The following COL24A1 variants were observed in gnomAD, a reference collection of about 807,000 sequenced individuals.
COL24A1 encodes collagen alpha-1(XXIV) chain.
In COL24A1, 224 loss-of-function variants were observed where a neutral mutation model predicts 253.9. The observed-to-expected ratio is 0.88, with a 90% CI of 0.79 to 0.99. The LOEUF (loss-of-function observed/expected upper bound fraction) is 0.99, where lower values mean the gene tolerates loss of function less well. COL24A1 is among the 50% of genes least tolerant of loss of function. The pLI is 0.00. For missense variants in COL24A1, 2,131 were observed against 2,068.5 expected, an observed-to-expected ratio of 1.03 and a Z score of -0.59; for synonymous variants, 685 against 673.7, an observed-to-expected ratio of 1.02 and a Z score of -0.26.
intron 19 of COL24A1, 72 bp downstream of exon 19, chr1:86,017,079 A>C: frequency 2.9e-6 from 4 of 1,356,424 alleles, no homozygotes; most frequent in Non-Finnish European, 4.1e-6. Context: ...CTATGTTGAA[A>C]CATGTTTTAT....
In COL24A1 at chr1:85,874,677, A is replaced by C; in HGVS notation, c.3110T>G (p.Val1037Gly). 1.2e-6 allele frequency: 2 copies of C among 1,612,512 alleles called. No homozygotes were observed. The highest frequency in any genetic ancestry group is 8.5e-7 in the Non-Finnish European group (1 of 1,179,950). Residue 1037 changes from valine to glycine, a missense_variant, in exon 35 of 60, where the codon GTT becomes GGT. Coordinates refer to ENST00000370571, the MANE Select transcript of COL24A1 (RefSeq NM_152890.7). The part of the protein sequence containing the change: ...AKGDVGTAGS[V>G]GGTGEPGLRG... ...TAAACCTGGTTCCCCAGTTCCTCCAACACTGCCAGCAGTTCCAACATCTCC... is the reference window on the plus strand; with the variant it reads ...TAAACCTGGTTCCCCAGTTCCTCCACCACTGCCAGCAGTTCCAACATCTCC...
At chr1:86,022,125 C>G (rs1318306744) in intron 18 of COL24A1, 115 bp downstream of exon 18, 4 of 922,588 alleles carry the variant, frequency 4.3e-6, no homozygotes, top group Non-Finnish European at 7.1e-6. Flanking sequence ...TATTCTAAAA[C>G]TAAGGAGACA....
chr1:86,015,760 GTTTTAATTACTCAA>G, intron 19 of COL24A1, among the ~76,000 whole-genome samples: 1 of 151,788 alleles, frequency 6.6e-6, no homozygotes, highest in Non-Finnish European at 1.5e-5. Context: ...CTAATCTGAA[GTTTTAATTACTCAA>G]TTTCCTTCCT....
At chr1:86,103,386 A>G (rs1704644940) in intron 5 of COL24A1, among the ~76,000 whole-genome samples, 1 of 152,174 alleles carries the variant, frequency 6.6e-6, no homozygotes, top group African/African-American at 2.4e-5. Context: ...ATTCAAGATT[A>G]GTATTAATAT....
intron 53 of COL24A1, among the ~76,000 whole-genome samples, chr1:85,772,381 T>C (rs527567484): frequency 6.6e-6 from 1 of 151,912 alleles, no homozygotes; most frequent in Non-Finnish European, 1.5e-5. Flanking sequence ...AGTTCAACCA[T>C]TGTGGAAGTC....
intron 24 of COL24A1, among the ~76,000 whole-genome samples, chr1:85,947,132 A>C (rs906559123): frequency 6.6e-6 from 1 of 152,232 alleles, no homozygotes; most frequent in Non-Finnish European, 1.5e-5. Flanking sequence ...CAATGCCTTA[A>C]CATCCTTGTC....
chr1:85,764,805 G>C (rs1210228243), intron 53 of COL24A1, among the ~76,000 whole-genome samples: 1 of 151,940 alleles, frequency 6.6e-6, no homozygotes, highest in Non-Finnish European at 1.5e-5. Context: ...AAAGACGGGA[G>C]TCTTGCTATG....
intron 10 of COL24A1, among the ~76,000 whole-genome samples, chr1:86,052,663 G>T (rs75782849): frequency 0.069 from 10,436 of 151,976 alleles, 448 homozygotes; most frequent in Middle Eastern, 0.13. Context: ...GGTGGCAATG[G>T]TTGTACAACA....
At chr1:85,881,994 T>C (rs1208665517) in intron 32 of COL24A1, among the ~76,000 whole-genome samples, 1 of 152,218 alleles carries the variant, frequency 6.6e-6, no homozygotes, top group African/African-American at 2.4e-5. Flanking sequence ...CTCTAGGCAC[T>C]GCATCCCACG....
Position 86,148,938 on chromosome 1 carries a change from A to G in COL24A1, c.57-2755T>C, listed in dbSNP as rs1652332666. Among the ~76,000 whole-genome samples, 2 of 152,258 alleles carry G rather than the reference A, an allele frequency of 1.3e-5. 1 individual carries two copies. The highest frequency in any genetic ancestry group is 4.8e-5 in the African/African-American group (2 of 41,546). On this transcript the variant is annotated intron_variant, in intron 1 of 59. Coordinates refer to ENST00000370571, the MANE Select transcript of COL24A1 (RefSeq NM_152890.7). Reference sequence around the variant, plus strand: ...AGGAATCGCCACACTGACTTCCACAATGGTTGAACTAGTTTACAGTCCCAC... The same window carrying G: ...AGGAATCGCCACACTGACTTCCACAGTGGTTGAACTAGTTTACAGTCCCAC...
chr1:86,156,507 A>C lies in COL24A1; in HGVS notation c.-111T>G. ...AAAAGGGAAAAAACAATCACATGAA[A>C]ACCATGCTTCAAACCCGCAACAAGA... On this transcript the variant is annotated 5_prime_UTR_variant, in exon 1 of 60. Coordinates refer to ENST00000370571, the MANE Select transcript of COL24A1 (RefSeq NM_152890.7). 1 of 1,004,850 alleles carries C rather than the reference A, an allele frequency of 1.0e-6. No individual in the cohort carries two copies. Among genetic ancestry groups the C allele is most frequent in the Non-Finnish European group, 1.4e-6 (1 of 709,712 alleles). 62.2% of individuals were successfully genotyped at this position (1,004,850 alleles called of 1,614,324 possible). A position where few individuals can be genotyped will look rare whatever the true frequency, so the allele number is the denominator to read the frequency against.
At chr1:85,945,019 T>TGTTTG (rs1558752642) in intron 24 of COL24A1, among the ~76,000 whole-genome samples, 7 of 73,390 alleles carry the variant, frequency 9.5e-5, no homozygotes, top group East Asian at 6.0e-4. Flanking sequence ...TTTTTTTTTT[T>TGTTTG]TTTTTTTTTT....
intron 34 of COL24A1, 145 bp from the exon 35 acceptor site, chr1:85,874,847 C>T: frequency 1.4e-6 from 1 of 732,890 alleles, no homozygotes; most frequent in Non-Finnish European, 2.3e-6. Context: ...GGCTGCAAAA[C>T]AGCAGGTGAG....
At chr1:85,910,791 A>T (rs1220167558) in intron 25 of COL24A1, among the ~76,000 whole-genome samples, 1 of 151,906 alleles carries the variant, frequency 6.6e-6, no homozygotes, top group Non-Finnish European at 1.5e-5. Flanking sequence ...ATTAACAGAG[A>T]TGAAACAACC....
intron 24 of COL24A1, among the ~76,000 whole-genome samples, chr1:85,950,225 C>T (rs1323310032): frequency 6.6e-6 from 1 of 152,124 alleles, no homozygotes; most frequent in East Asian, 1.9e-4. Flanking sequence ...TTATCTGTAA[C>T]ACCTAACGGT....
chr1:86,018,383 A>T (rs188308117), intron 18 of COL24A1, among the ~76,000 whole-genome samples: 1 of 152,338 alleles, frequency 6.6e-6, no homozygotes, highest in Admixed American at 6.5e-5. Context: ...TTCCAAATAA[A>T]CAAAAACAAA....
chr1:85,955,152 C>T (rs1054527187), intron 24 of COL24A1, among the ~76,000 whole-genome samples: 20 of 152,162 alleles, frequency 1.3e-4, no homozygotes, highest in Non-Finnish European at 2.1e-4. Context: ...AACACAACAA[C>T]AGACACCAGC....
chr1:85,797,427 G>A (rs1036911387), intron 47 of COL24A1, among the ~76,000 whole-genome samples: 1 of 152,074 alleles, frequency 6.6e-6, no homozygotes, highest in Non-Finnish European at 1.5e-5. Context: ...TAATAGTTCA[G>A]TTAAGTCCTA....
Position 85,896,032 on chromosome 1 carries a change from G to A in COL24A1, c.2866C>T (p.His956Tyr). Residue 956 changes from histidine (H) to tyrosine (Y), a missense_variant, in exon 30 of 60, where the codon CAT becomes TAT. Physicochemically the swap from His to Tyr is moderately conservative, Grantham distance 83. Transcript: ENST00000370571. ...EKGDQGKRGP[H>Y]GLIGKTGNPG... ...GTTTTATTACTTACAATAAGACCAT[G>A]AGGCCCTCTTTTTCCTTGATCTCCT... The A allele has an allele frequency of 1.9e-6, 3 of 1,612,350 alleles. No individual in the cohort carries two copies. Among genetic ancestry groups the A allele is most frequent in the Non-Finnish European group, 2.5e-6 (3 of 1,179,500 alleles).
Sources: allele counts gnomAD v4.1 joint callset (sites outside exome capture counted in the v4.1 genomes callset), GRCh38; gene constraint gnomAD v4.1.1; transcripts MANE v1.5; gene names NCBI Gene and HGNC (gene_info 2026-07-23, HGNC 2026-07-21).